CA5A: variants seen among roughly 807,000 people sequenced by gnomAD.
CA5A encodes the protein carbonic anhydrase 5A, mitochondrial.
Under a neutral mutation model 37.1 loss-of-function variants are expected in CA5A, and 28 were observed. That is an observed-to-expected ratio of 0.75 (90% CI 0.56 to 1.03). The LOEUF is 1.03. Among genes scored for constraint, CA5A ranks in the 50% least tolerant of loss-of-function variants. The probability of loss-of-function intolerance (pLI) is 0.00; values close to 1 mark genes in which losing one functional copy is unlikely to be tolerated. For synonymous variants in CA5A, 171 were observed against 158.4 expected, an observed-to-expected ratio of 1.08 and a Z score of -0.60; for missense variants, 444 against 399.9, an observed-to-expected ratio of 1.11 and a Z score of -0.94.
chr16:87,936,422 G>A lies in CA5A; in HGVS notation c.29C>T (p.Ser10Leu), dbSNP rs1177213601. 10 of 1,614,048 alleles carry A rather than the reference G, an allele frequency of 6.2e-6. No homozygotes were observed. Among genetic ancestry groups the A allele is most frequent in the South Asian group, 2.2e-5 (2 of 91,084 alleles). The change falls in exon 1 of 7, where the codon TCA (serine) becomes TTA (leucine). Residue 10 changes from serine (S) to leucine (L), a missense_variant. Transcript: ENST00000649794. MLGRNTWKT[S>L]AFSFLVEQMW... ...CTGCTCAACCAAGAAGGAGAAAGCT[G>A]AGGTCTTCCAAGTGTTCCTCCCCAA...
At chr16:87,929,295 T>C (rs1000604401) in intron 1 of CA5A, among the ~76,000 whole-genome samples, 1 of 150,752 alleles carries the variant, frequency 6.6e-6, no homozygotes, top group Admixed American at 6.6e-5. Context: ...CTACTAATAA[T>C]GCAAAAATTA....
At chr16:87,892,659 T>G (rs1204475512) in intron 5 of CA5A, among the ~76,000 whole-genome samples, 1 of 148,684 alleles carries the variant, frequency 6.7e-6, no homozygotes, top group Non-Finnish European at 1.5e-5. Flanking sequence ...TAACATAAAA[T>G]TTACCATCTT....
chr16:87,926,009 T>C (rs1212763019), intron 2 of CA5A, among the ~76,000 whole-genome samples: 1 of 152,132 alleles, frequency 6.6e-6, no homozygotes, highest in Admixed American at 6.6e-5. Flanking sequence ...GATCACCTGA[T>C]GTCAGGGGTT....
intron 4 of CA5A, chr16:87,882,905 T>A (rs1156662669): frequency 2.0e-5 from 3 of 152,380 alleles, no homozygotes; most frequent in Non-Finnish European, 4.4e-5. Context: ...ACGCTTTATT[T>A]TGGGGGGGCG....
chr16:87,909,721 C>G (rs1481857026), intron 2 of CA5A, among the ~76,000 whole-genome samples: 3 of 152,246 alleles, frequency 2.0e-5, no homozygotes, highest in Non-Finnish European at 4.4e-5. Flanking sequence ...GAGAATCTCA[C>G]TGCAAATTTT....
intron 5 of CA5A, among the ~76,000 whole-genome samples, chr16:87,896,920 G>A (rs113289267): frequency 9.9e-5 from 15 of 152,246 alleles, no homozygotes; most frequent in Admixed American, 7.2e-4. Flanking sequence ...GATTATAGGC[G>A]TGAGCCACGC....
intron 2 of CA5A, chr16:87,924,248 C>G (rs1016406065): frequency 8.1e-6 from 8 of 985,456 alleles, no homozygotes; most frequent in Non-Finnish European, 9.6e-6. Context: ...GCAAGCCCCA[C>G]ACGGGAAGCA....
At chr16:87,918,112 G>T (rs1021572211) in intron 2 of CA5A, among the ~76,000 whole-genome samples, 3 of 152,212 alleles carry the variant, frequency 2.0e-5, no homozygotes, top group Non-Finnish European at 4.4e-5. Flanking sequence ...CTCTGATGCG[G>T]ACAGCCTGGC....
rs568526078 is a variant in CA5A, at chr16:87,911,695, C to T, written c.341-6791G>A. 6.6e-6 allele frequency among the ~76,000 whole-genome samples: 1 copy of T among 152,058 alleles called. No individual in the cohort carries two copies. The highest frequency in any genetic ancestry group is 6.6e-5 in the Admixed American group (1 of 15,260). ...AGCCCCTGCCCACAGAACTCCGCGA[C>T]GATGGAACCTAGACTGCTCCCTGGA... On this transcript the variant is annotated intron_variant, in intron 2 of 6. Transcript: ENST00000649794. The surrounding 1 kb of genome is among the most constrained non-coding windows in gnomAD (Gnocchi z 4.6).
At chr16:87,885,953 G>T (rs552674172), downstream of CA5A, 1 of 152,030 alleles carries the variant, frequency 6.6e-6, no homozygotes, top group Non-Finnish European at 1.5e-5. Flanking sequence ...TCTAGGCTCC[G>T]TCCCCAGAGT....
Position 87,888,099 on chromosome 16 carries a change from A to G in CA5A, c.*30T>C. The G allele has an allele frequency of 6.4e-7, 1 of 1,553,456 alleles. No homozygotes were observed. The highest frequency in any genetic ancestry group is 1.2e-5 in the South Asian group (1 of 83,966). On this transcript the variant is annotated 3_prime_UTR_variant, in exon 7 of 7. Transcript: ENST00000649794. The stretch of plus-strand genomic sequence containing the variant: ...AACAACGCTTCCTTCCTTCAAAGTC[A>G]GTTCTGCTATTCATGTGGACCTAAT...
chr16:87,922,666 G>A (rs544025803), intron 2 of CA5A, among the ~76,000 whole-genome samples: 4 of 152,364 alleles, frequency 2.6e-5, no homozygotes, highest in East Asian at 1.9e-4. Flanking sequence ...CCAGAGGCCC[G>A]TCTGGGCCCT....
intron 1 of CA5A, among the ~76,000 whole-genome samples, chr16:87,932,540 T>C (rs1245285629): frequency 6.6e-6 from 1 of 152,228 alleles, no homozygotes. Flanking sequence ...CCGACCCTGG[T>C]GCCCAGCAAC....
chr16:87,935,698 A>T (rs2056461486), intron 1 of CA5A, among the ~76,000 whole-genome samples: 1 of 152,110 alleles, frequency 6.6e-6, no homozygotes, highest in Non-Finnish European at 1.5e-5. Flanking sequence ...CAACATGGTG[A>T]AACCCCATCT....
In CA5A at chr16:87,911,540, G is replaced by A. The variant is rs1255192026; in HGVS notation, c.341-6636C>T. 6.6e-6 allele frequency among the ~76,000 whole-genome samples: 1 copy of A among 152,192 alleles called. No individual in the cohort carries two copies. Among genetic ancestry groups the A allele is most frequent in the African/African-American group, 2.4e-5 (1 of 41,466 alleles). ...TACTGGAAATTTCAAATAACATGAT[G>A]CTGCAAAGGACCGGCCTGCTTCCGG... On this transcript the variant is annotated intron_variant, in intron 2 of 6. Coordinates refer to ENST00000649794, the MANE Select transcript of CA5A (RefSeq NM_001739.2). This position sits in a 1 kb window ranked among gnomAD's most constrained non-coding sequence, Gnocchi z 4.6.
chr16:87,920,359 C>T (rs551218382), intron 2 of CA5A, among the ~76,000 whole-genome samples: 1 of 152,378 alleles, frequency 6.6e-6, no homozygotes, highest in Admixed American at 6.5e-5. Context: ...GTCGCCCAGG[C>T]TGGAGGGCAG....
chr16:87,890,765 G>C (rs1028731223), intron 6 of CA5A, among the ~76,000 whole-genome samples: 1 of 151,146 alleles, frequency 6.6e-6, no homozygotes, highest in Non-Finnish European at 1.5e-5. Flanking sequence ...ACAGGCAAAC[G>C]CCACCATGCC....
At chr16:87,923,121 G>A (rs949554224) in intron 2 of CA5A, among the ~76,000 whole-genome samples, 1 of 152,192 alleles carries the variant, frequency 6.6e-6, no homozygotes, top group African/African-American at 2.4e-5. Context: ...TTGTTCTTAC[G>A]TAAAATGAGG....
chr16:87,926,563 T>G (rs181024905), intron 2 of CA5A, among the ~76,000 whole-genome samples, 185 bp downstream of exon 2: 1 of 152,136 alleles, frequency 6.6e-6, no homozygotes, highest in African/African-American at 2.4e-5. Flanking sequence ...CAGGCTCCTG[T>G]CCCCTCGAGA....
Sources: allele counts gnomAD v4.1 joint callset (sites outside exome capture counted in the v4.1 genomes callset), GRCh38; gene constraint gnomAD v4.1.1; non-coding constraint Gnocchi (gnomAD v3.1); transcripts MANE v1.5; gene names NCBI Gene and HGNC (gene_info 2026-07-23, HGNC 2026-07-21).